The following PTPRQ variants were observed in gnomAD, a reference collection of about 807,000 sequenced individuals.
The protein encoded by PTPRQ is protein tyrosine phosphatase receptor type Q, also known as phosphatidylinositol phosphatase PTPRQ.
PTPRQ carries 199 observed loss-of-function variants against 246.0 expected under a neutral mutation model. The ratio of observed to expected loss-of-function variants is 0.81; its 90% CI spans 0.72 to 0.91. PTPRQ has a LOEUF of 0.91. Among genes scored for constraint, PTPRQ ranks in the 40% least tolerant of loss-of-function variants. PTPRQ has a pLI of 0.00. For missense variants in PTPRQ, 2,624 were observed against 2,528.4 expected, an observed-to-expected ratio of 1.04 and a Z score of -0.81; for synonymous variants, 869 against 853.2, an observed-to-expected ratio of 1.02 and a Z score of -0.32.
chr12:80,488,036 A>G (rs749096480), intron 9 of PTPRQ, among the ~76,000 whole-genome samples: 3 of 151,140 alleles, frequency 2.0e-5, no homozygotes, highest in Non-Finnish European at 4.4e-5. Context: ...TGGCTTTAGA[A>G]CTGAGGGCCC....
At chr12:80,511,618 C>T (rs1377815681) in intron 17 of PTPRQ, among the ~76,000 whole-genome samples, 1 of 152,110 alleles carries the variant, frequency 6.6e-6, no homozygotes, top group East Asian at 1.9e-4. Flanking sequence ...TGATGGGATG[C>T]TTCAGGAAGT....
chr12:80,609,209 C>T (rs1444157989), intron 27 of PTPRQ, among the ~76,000 whole-genome samples: 2 of 150,260 alleles, frequency 1.3e-5, no homozygotes, highest in East Asian at 3.9e-4. Context: ...TACATTACCT[C>T]AGCAAACATC....
Position 80,496,483 on chromosome 12 carries a change from C to T in PTPRQ, c.2224C>T (p.His742Tyr), listed in dbSNP as rs550480842. 1 of 1,550,330 alleles carries T rather than the reference C, an allele frequency of 6.5e-7. No individual in the cohort carries two copies. Among genetic ancestry groups the T allele is most frequent in the South Asian group, 1.2e-5 (1 of 83,790 alleles). The change falls in exon 14 of 45, where the codon CAT (histidine) becomes TAT (tyrosine). Residue 742 changes from histidine to tyrosine, a missense_variant. By Grantham distance (83) the His-to-Tyr change is moderately conservative. Transcript: ENST00000644991. ...TGTAAGGTCTTACACCAGATTTGGT[C>T]ATGGCAATCAGGTATCTTCTTTACT... is the stretch of plus-strand genomic sequence containing the variant. ...ISVRSYTRFG[H>Y]GNQVSSLLSV...
intron 17 of PTPRQ, among the ~76,000 whole-genome samples, chr12:80,528,185 T>C: frequency 6.6e-6 from 1 of 152,110 alleles, no homozygotes; most frequent in South Asian, 2.1e-4. Flanking sequence ...AGATATAACT[T>C]ATACACTTTG....
chr12:80,659,322 T>C (rs1221945864), intron 39 of PTPRQ, among the ~76,000 whole-genome samples: 1 of 152,078 alleles, frequency 6.6e-6, no homozygotes, highest in Non-Finnish European at 1.5e-5. Flanking sequence ...CATTAAAATC[T>C]AAACTCTACA....
At chr12:80,619,690 A>G in intron 31 of PTPRQ, 148 bp downstream of exon 31, 1 of 525,582 alleles carries the variant, frequency 1.9e-6, no homozygotes, top group Non-Finnish European at 2.9e-6. Context: ...TAATGATACC[A>G]ATCATTTCTT....
At chr12:80,533,774 A>G (rs769312752) in intron 17 of PTPRQ, among the ~76,000 whole-genome samples, 1 of 152,072 alleles carries the variant, frequency 6.6e-6, no homozygotes, top group African/African-American at 2.4e-5. Context: ...AACTCTAATT[A>G]TGAACATCAT....
intron 26 of PTPRQ, among the ~76,000 whole-genome samples, chr12:80,602,126 T>C (rs1478199960): frequency 6.6e-6 from 1 of 151,760 alleles, no homozygotes; most frequent in East Asian, 1.9e-4. Flanking sequence ...TATTGTACAG[T>C]TTTCAGAAGT....
At chr12:80,491,838 T>C (rs947289009) in intron 9 of PTPRQ, among the ~76,000 whole-genome samples, 1 of 151,848 alleles carries the variant, frequency 6.6e-6, no homozygotes, top group African/African-American at 2.4e-5. Context: ...TGTTTTTGGC[T>C]CTCTGAGTGA....
At chr12:80,537,161 G>A (rs1173132726) in intron 19 of PTPRQ, among the ~76,000 whole-genome samples, 1 of 152,212 alleles carries the variant, frequency 6.6e-6, no homozygotes, top group East Asian at 1.9e-4. Flanking sequence ...TATTTCAGAA[G>A]TATAGTCTCA....
chr12:80,459,746 T>G (rs1345937628), intron 5 of PTPRQ, among the ~76,000 whole-genome samples: 2 of 152,164 alleles, frequency 1.3e-5, no homozygotes, highest in African/African-American at 4.8e-5. Context: ...CTGAAAAGAC[T>G]TCATCAAAGG....
intron 25 of PTPRQ, among the ~76,000 whole-genome samples, chr12:80,554,733 TATCATCATC>T (rs996361936): frequency 6.6e-6 from 1 of 151,914 alleles, no homozygotes; most frequent in African/African-American, 2.4e-5. Context: ...TCAATTTAAT[TATCATCATC>T]ATCATCATCA....
chr12:80,592,502 A>C (rs1897832085), intron 26 of PTPRQ, among the ~76,000 whole-genome samples: 1 of 152,164 alleles, frequency 6.6e-6, no homozygotes, highest in African/African-American at 2.4e-5. Flanking sequence ...TTGCAACATA[A>C]TATATATGGT....
intron 8 of PTPRQ, among the ~76,000 whole-genome samples, chr12:80,472,650 A>C (rs949187112): frequency 6.6e-6 from 1 of 152,198 alleles, no homozygotes; most frequent in Non-Finnish European, 1.5e-5. Context: ...TCTTTCAACA[A>C]AATATGTTTA....
Position 80,676,163 on chromosome 12 carries a change from T to C in PTPRQ, c.6739-2439T>C, listed in dbSNP as rs139048292. Among the ~76,000 whole-genome samples, 17 of 152,248 alleles carry C rather than the reference T, an allele frequency of 1.1e-4. No individual in the cohort carries two copies. In the East Asian group the frequency reaches 3.3e-3, roughly 29 times the overall value. The stretch of plus-strand genomic sequence containing the variant: ...GCCTCCAGTCCTTACAAACCAGCAT[T>C]GCCTTGCACAACAGCAGTTTCTTAT... On this transcript the variant is annotated intron_variant, in intron 43 of 44. Transcript: ENST00000644991.
rs1390893263 is a variant in PTPRQ at position 80,524,575 on chromosome 12, T to A, written c.2679-9440T>A. On this transcript the variant is annotated intron_variant, in intron 17 of 44. Transcript: ENST00000644991. ...AAGTGGTGGGGGATATACTGAGGTGTGTCTGACCTCCCATCCTGTCATGGC... is the reference window on the plus strand; with the variant it reads ...AAGTGGTGGGGGATATACTGAGGTGAGTCTGACCTCCCATCCTGTCATGGC... Among the ~76,000 whole-genome samples the A allele has an allele frequency of 3.9e-5, 6 of 152,164 alleles. No homozygotes were observed. In the East Asian group the frequency reaches 7.7e-4, roughly 20 times the overall value.
chr12:80,562,083 C>T (rs185900933), intron 25 of PTPRQ, among the ~76,000 whole-genome samples: 17 of 152,170 alleles, frequency 1.1e-4, no homozygotes, highest in Admixed American at 2.0e-4. Flanking sequence ...GTTGATTGAT[C>T]TTCTAATATT....
chr12:80,455,741 C>A (rs1892959984), intron 3 of PTPRQ, among the ~76,000 whole-genome samples: 1 of 150,966 alleles, frequency 6.6e-6, no homozygotes, highest in African/African-American at 2.5e-5. Flanking sequence ...GAGGCGCCCG[C>A]CACCATGCCC....
intron 25 of PTPRQ, among the ~76,000 whole-genome samples, chr12:80,572,598 A>G (rs996315420): frequency 8.5e-5 from 13 of 152,104 alleles, no homozygotes; most frequent in African/African-American, 3.1e-4. Context: ...TCCCAATTTC[A>G]GGGAGAAGGA....
Sources: gnomAD v4.1 joint callset for allele counts (sites outside exome capture counted in the v4.1 genomes callset) on GRCh38, gnomAD v4.1.1 for gene constraint, MANE v1.5 for transcripts, NCBI Gene and HGNC (gene_info 2026-07-23, HGNC 2026-07-21) for gene names.